The following CSMD3 variants were observed in gnomAD, a reference collection of about 807,000 sequenced individuals.
CSMD3 encodes CUB and sushi domain-containing protein 3.
In CSMD3, 177 loss-of-function variants were observed where a neutral mutation model predicts 435.2. The ratio of observed to expected loss-of-function variants is 0.41; its 90% CI spans 0.36 to 0.46. The LOEUF (loss-of-function observed/expected upper bound fraction) is 0.46, where lower values mean the gene tolerates loss of function less well. CSMD3 is among the 20% of genes least tolerant of loss of function. The pLI is 0.34. For synonymous variants in CSMD3, 1,656 were observed against 1,520.5 expected, an observed-to-expected ratio of 1.09 and a Z score of -2.07; for missense variants, 4,265 against 4,504.6, an observed-to-expected ratio of 0.95 and a Z score of 1.52.
chr8:113,392,953 ATATATG>A (rs749811544), intron 1 of CSMD3, among the ~76,000 whole-genome samples: 3,556 of 69,758 alleles, frequency 0.051, 56 homozygotes, highest in Middle Eastern at 0.096. Flanking sequence ...CTATATATAT[ATATATG>A]TGTGTGTGTG....
intron 19 of CSMD3, 24 bp from the exon 20 acceptor site, chr8:112,645,249 A>AT: frequency 8.2e-7 from 1 of 1,218,624 alleles, no homozygotes; most frequent in Non-Finnish European, 1.2e-6. Context: ...AAACAGATCC[A>AT]TGTGATCAGC....
chr8:113,113,206 G>T (rs993287170), intron 4 of CSMD3, among the ~76,000 whole-genome samples: 1 of 152,042 alleles, frequency 6.6e-6, no homozygotes, highest in Admixed American at 6.6e-5. Context: ...TTTTGTTTTA[G>T]TTTTATTTAT....
intron 13 of CSMD3, among the ~76,000 whole-genome samples, chr8:112,729,312 T>C (rs2077028505): frequency 6.6e-6 from 1 of 152,038 alleles, no homozygotes; most frequent in Non-Finnish European, 1.5e-5. Flanking sequence ...AGAAGAGTAG[T>C]GATAGTACCA....
chr8:112,672,395 A>G (rs1168790326), intron 16 of CSMD3, among the ~76,000 whole-genome samples: 1 of 152,048 alleles, frequency 6.6e-6, no homozygotes, highest in Non-Finnish European at 1.5e-5. Flanking sequence ...GCTTTCAAAG[A>G]CTTTCAAACG....
chr8:113,342,176 T>C (rs947256470), intron 1 of CSMD3, among the ~76,000 whole-genome samples: 1 of 151,922 alleles, frequency 6.6e-6, no homozygotes, highest in African/African-American at 2.4e-5. Flanking sequence ...ATAATTAAAC[T>C]GTGTCGGAAA....
intron 9 of CSMD3, among the ~76,000 whole-genome samples, chr8:112,946,288 C>T (rs1004062688): frequency 6.6e-6 from 1 of 151,652 alleles, no homozygotes; most frequent in East Asian, 1.9e-4. Flanking sequence ...TCTCCTCAAC[C>T]GAATAAGATA....
At chr8:113,222,301 G>T (rs1047390552) in intron 3 of CSMD3, among the ~76,000 whole-genome samples, 3 of 150,510 alleles carry the variant, frequency 2.0e-5, no homozygotes, top group Non-Finnish European at 3.0e-5. Context: ...GTAAAAACAG[G>T]GAAGATCTCT....
intron 9 of CSMD3, among the ~76,000 whole-genome samples, chr8:112,931,247 T>C (rs1336123167): frequency 6.6e-6 from 1 of 152,078 alleles, no homozygotes; most frequent in Non-Finnish European, 1.5e-5. Context: ...TTTAACATAA[T>C]GACTATGCTA....
chr8:112,390,591 G>A (rs1250742418), intron 36 of CSMD3, 73 bp downstream of exon 36: 1 of 1,247,478 alleles, frequency 8.0e-7, no homozygotes, highest in South Asian at 1.2e-5. Context: ...TAGAAATAAT[G>A]TTCATTCTGT....
At position 112,976,006 on chromosome 8, in the gene CSMD3, G is replaced by A. The variant is rs141589124; in HGVS notation, c.1173C>T (p.Ser391=). 1.3e-4 allele frequency: 213 copies of A among 1,613,928 alleles called. No homozygotes were observed. In the African/African-American group the frequency reaches 2.0e-3, roughly 15 times the overall value. Residue 391 remains serine, a synonymous_variant, in exon 7 of 71, where the codon TCC becomes TCT. Coordinates refer to ENST00000297405, the MANE Select transcript of CSMD3 (RefSeq NM_198123.2). ...TCGTAACTTGCACTCGCTGTTCCTC[G>A]GAAAGTCTATGGATGGTGACAGCTG... is the stretch of plus-strand genomic sequence containing the variant. The part of the protein sequence containing the change: ...SVTAVTIHRL[S]EEQRVQVTSL...
intron 4 of CSMD3, among the ~76,000 whole-genome samples, chr8:113,171,862 G>C (rs1250933245): frequency 1.3e-5 from 2 of 152,180 alleles, no homozygotes; most frequent in Non-Finnish European, 2.9e-5. Context: ...GGAGAATATA[G>C]TGTTTTCCAC....
chr8:112,389,980 C>T (rs769842096), intron 36 of CSMD3, among the ~76,000 whole-genome samples: 2 of 152,184 alleles, frequency 1.3e-5, no homozygotes, highest in Non-Finnish European at 2.9e-5. Flanking sequence ...TCCTTCCTTG[C>T]TAACACAGAT....
At chr8:112,479,905 G>A (rs1819467948) in intron 31 of CSMD3, among the ~76,000 whole-genome samples, 1 of 152,194 alleles carries the variant, frequency 6.6e-6, no homozygotes, top group South Asian at 2.1e-4. Flanking sequence ...CTACCTTATG[G>A]AGTTGTGGGA....
At chr8:112,708,423 T>A (rs567710421) in intron 13 of CSMD3, among the ~76,000 whole-genome samples, 1 of 152,004 alleles carries the variant, frequency 6.6e-6, no homozygotes, top group South Asian at 2.1e-4. Context: ...TAATCTTAAA[T>A]CTATGAGAAG....
chr8:112,766,389 ATCTC>A (rs919981199), intron 13 of CSMD3, among the ~76,000 whole-genome samples: 2 of 151,620 alleles, frequency 1.3e-5, no homozygotes, highest in African/African-American at 2.4e-5. Flanking sequence ...ACAGAAATTA[ATCTC>A]TCTCTCATAA....
At chr8:113,045,860 T>A (rs1347654051) in intron 5 of CSMD3, among the ~76,000 whole-genome samples, 1 of 149,478 alleles carries the variant, frequency 6.7e-6, no homozygotes, top group Non-Finnish European at 1.5e-5. Flanking sequence ...ATACTAAGTT[T>A]TTTTCCTGTA....
intron 3 of CSMD3, among the ~76,000 whole-genome samples, chr8:113,195,814 T>TATACACAC (rs1344054794): frequency 5.2e-5 from 7 of 133,444 alleles, no homozygotes; most frequent in African/African-American, 2.0e-4. Flanking sequence ...TATATATATA[T>TATACACAC]ACACACACAC....
intron 23 of CSMD3, among the ~76,000 whole-genome samples, chr8:112,578,773 A>T (rs1481821091): frequency 1.3e-5 from 2 of 152,068 alleles, no homozygotes; most frequent in Non-Finnish European, 2.9e-5. Context: ...CAGTCCTGAC[A>T]TTGTGGCACA....
intron 10 of CSMD3, among the ~76,000 whole-genome samples, chr8:112,886,609 T>C (rs1425441503): frequency 6.6e-6 from 1 of 151,338 alleles, no homozygotes; most frequent in African/African-American, 2.4e-5. Context: ...TTTAGAGCTT[T>C]GCCTATTTTA....
Sources: allele counts gnomAD v4.1 joint callset (sites outside exome capture counted in the v4.1 genomes callset), GRCh38; gene constraint gnomAD v4.1.1; transcripts MANE v1.5; gene names NCBI Gene and HGNC (gene_info 2026-07-23, HGNC 2026-07-21).